CDH10: variants seen among roughly 807,000 people sequenced by gnomAD.
CDH10 encodes the protein cadherin 10, also known as cadherin-10.
CDH10 carries 30 observed loss-of-function variants against 73.1 expected under a neutral mutation model. The ratio of observed to expected loss-of-function variants is 0.41; its 90% CI spans 0.31 to 0.56. The LOEUF (loss-of-function observed/expected upper bound fraction) is 0.56. Ranked by LOEUF, CDH10 falls within the 20% of genes least tolerant of loss-of-function variation. CDH10 has a pLI of 0.27. For synonymous variants in CDH10, 345 were observed against 348.2 expected (o/e 0.99, Z 0.10); for missense variants, 815 against 973.7 (o/e 0.84, Z 2.17).
intron 11 of CDH10, 84 bp downstream of exon 11, chr5:24,491,492 G>C (rs2111634191): frequency 8.2e-7 from 1 of 1,226,538 alleles, no homozygotes; most frequent in Non-Finnish European, 1.1e-6. Flanking sequence ...GGTGGTTTTG[G>C]GGGAGGGATT....
rs546655199 is a variant in CDH10 at position 24,628,078 on chromosome 5, A to T, written c.-124+16516T>A. Among the ~76,000 whole-genome samples the T allele has an allele frequency of 4.6e-5, 7 of 152,246 alleles. No individual in the cohort carries two copies. The East Asian group carries it at 1.4e-3, about 29-fold the overall frequency. On this transcript the variant is annotated intron_variant, in intron 1 of 11. Coordinates refer to ENST00000264463, the MANE Select transcript of CDH10 (RefSeq NM_006727.5). ...TGACCAGCTACAAGATTAAGAGCAA[A>T]TTGTTTTCCCAGGGGAAATAAAAAC...
At chr5:24,550,431 T>C (rs1257428406) in intron 2 of CDH10, among the ~76,000 whole-genome samples, 2 of 152,058 alleles carry the variant, frequency 1.3e-5, no homozygotes, top group Admixed American at 6.6e-5. Context: ...GAGAACTACA[T>C]AGAATAAGAA....
chr5:24,547,951 A>C (rs1019749991), intron 2 of CDH10, among the ~76,000 whole-genome samples: 1 of 152,216 alleles, frequency 6.6e-6, no homozygotes, highest in Admixed American at 6.5e-5. Context: ...TCAATTGTTG[A>C]AGAAGCGTAA....
chr5:24,497,654 G>A (rs546876808), intron 9 of CDH10, among the ~76,000 whole-genome samples: 25 of 152,250 alleles, frequency 1.6e-4, no homozygotes, highest in Admixed American at 3.3e-4. Context: ...ACAGTTTCGT[G>A]ATGGTTCCTT....
chr5:24,612,865 C>A (rs752415301), intron 1 of CDH10: 2 of 152,124 alleles, frequency 1.3e-5, no homozygotes, highest in Non-Finnish European at 2.9e-5. Context: ...TTGTGGTAAT[C>A]AGAGCCCCTG....
chr5:24,604,921 A>C (rs984634134), intron 1 of CDH10, among the ~76,000 whole-genome samples: 1 of 151,980 alleles, frequency 6.6e-6, no homozygotes, highest in African/African-American at 2.4e-5. Flanking sequence ...AAACAAAAGA[A>C]AGTCAAAAAC....
chr5:24,642,199 T>C (rs973933731), intron 1 of CDH10, among the ~76,000 whole-genome samples: 1 of 152,080 alleles, frequency 6.6e-6, no homozygotes, highest in Non-Finnish European at 1.5e-5. Flanking sequence ...TCAGAGCCAA[T>C]ACTGCTGCTG....
At chr5:24,497,948 T>C (rs754052684) in intron 9 of CDH10, among the ~76,000 whole-genome samples, 4 of 152,240 alleles carry the variant, frequency 2.6e-5, no homozygotes, top group Non-Finnish European at 5.9e-5. Flanking sequence ...TCTGCTGCCC[T>C]GATGCAAAAC....
chr5:24,505,309 T>C (rs1742665013), intron 7 of CDH10, 61 bp from the exon 8 acceptor site: 6 of 1,353,718 alleles, frequency 4.4e-6, no homozygotes, highest in East Asian at 4.6e-5. Context: ...CAGGAAAAAA[T>C]AGTGAAATGC....
intron 8 of CDH10, among the ~76,000 whole-genome samples, chr5:24,504,894 T>A (rs537701988): frequency 4.9e-4 from 74 of 152,198 alleles, no homozygotes; most frequent in African/African-American, 1.7e-3. Flanking sequence ...GAAATAAAAT[T>A]TTTGCATCTT....
At chr5:24,620,806 A>T (rs1013538426) in intron 1 of CDH10, among the ~76,000 whole-genome samples, 1 of 152,178 alleles carries the variant, frequency 6.6e-6, no homozygotes, top group African/African-American at 2.4e-5. Flanking sequence ...ATTAGACATA[A>T]AGAATGTTGA....
At chr5:24,502,059 A>G (rs1000849757) in intron 8 of CDH10, among the ~76,000 whole-genome samples, 4 of 150,816 alleles carry the variant, frequency 2.7e-5, no homozygotes, top group Admixed American at 1.3e-4. Context: ...GCTTGGGACT[A>G]CAGGTGCCCG....
chr5:24,627,789 CTACATA>C (rs1255126286), intron 1 of CDH10, among the ~76,000 whole-genome samples: 4 of 151,990 alleles, frequency 2.6e-5, no homozygotes, highest in Non-Finnish European at 2.9e-5. Flanking sequence ...GAAAAAACAT[CTACATA>C]TAATCAGTAT....
chr5:24,516,232 T>C (rs1360422273), intron 5 of CDH10, among the ~76,000 whole-genome samples: 1 of 152,106 alleles, frequency 6.6e-6, no homozygotes, highest in East Asian at 1.9e-4. Context: ...TATTATATCA[T>C]AGCAGGGAGT....
chr5:24,572,908 G>C (rs1464063655), intron 2 of CDH10, among the ~76,000 whole-genome samples: 1 of 97,760 alleles, frequency 1.0e-5, no homozygotes, highest in Non-Finnish European at 1.9e-5. Context: ...GACCTGGTCA[G>C]AATCTGTATA....
At chr5:24,639,345 T>A (rs1747968148) in intron 1 of CDH10, among the ~76,000 whole-genome samples, 1 of 151,750 alleles carries the variant, frequency 6.6e-6, no homozygotes, top group Non-Finnish European at 1.5e-5. Flanking sequence ...TTTAAAAGTT[T>A]GTATTAATAT....
intron 11 of CDH10, among the ~76,000 whole-genome samples, chr5:24,489,337 A>C: frequency 6.6e-6 from 1 of 152,140 alleles, no homozygotes; most frequent in East Asian, 1.9e-4. Flanking sequence ...GCAAACAATA[A>C]ACTTTTTTAA....
intron 5 of CDH10, among the ~76,000 whole-genome samples, chr5:24,528,343 A>C (rs555731494): frequency 6.6e-6 from 1 of 151,982 alleles, no homozygotes; most frequent in Admixed American, 6.6e-5. Context: ...GTGCTTGATA[A>C]TTTTAAAATA....
intron 5 of CDH10, among the ~76,000 whole-genome samples, chr5:24,521,001 C>T (rs10942052): frequency 0.42 from 63,619 of 151,642 alleles, 14,242 homozygotes; most frequent in East Asian, 0.58. Flanking sequence ...CCACCGTGCC[C>T]GGCCACAAAT....
Sources: allele counts gnomAD v4.1 joint callset (sites outside exome capture counted in the v4.1 genomes callset), GRCh38; gene constraint gnomAD v4.1.1; transcripts MANE v1.5; gene names NCBI Gene and HGNC (gene_info 2026-07-23, HGNC 2026-07-21).